PLEKHG4B: variants seen among roughly 807,000 people sequenced by gnomAD.
PLEKHG4B encodes the protein pleckstrin homology domain-containing family G member 4B.
PLEKHG4B carries 111 observed loss-of-function variants against 121.3 expected under a neutral mutation model. That is an observed-to-expected ratio of 0.92 (90% CI 0.78 to 1.07). PLEKHG4B has a LOEUF of 1.07. Among genes scored for constraint, PLEKHG4B ranks in the 50% least tolerant of loss-of-function variants. PLEKHG4B has a pLI of 0.00. For missense variants in PLEKHG4B, 1,831 were observed against 1,757.8 expected (o/e 1.04, Z -0.74); for synonymous variants, 738 against 725.0 (o/e 1.02, Z -0.29).
At chr5:147,299 T>C (rs1344821424) in intron 6 of PLEKHG4B, among the ~76,000 whole-genome samples, 1 of 152,206 alleles carries the variant, frequency 6.6e-6, no homozygotes, top group Non-Finnish European at 1.5e-5. Flanking sequence ...TTCTGAGAGA[T>C]TCTCAAGGCC....
rs774238740 is a variant in PLEKHG4B, at chr5:169,503, C to G, written c.3640C>G (p.Leu1214Val). The G allele has an allele frequency of 3.7e-6, 6 of 1,614,092 alleles. 1 individual carries two copies. In the South Asian group the frequency reaches 6.6e-5, roughly 18 times the overall value. Residue 1214 changes from leucine to valine, a missense_variant, in exon 14 of 20, where the codon CTC (leucine) becomes GTC (valine). Leu to Val is a conservative substitution (Grantham distance 32, BLOSUM62 1). Coordinates refer to ENST00000637938, the MANE Select transcript of PLEKHG4B (RefSeq NM_052909.5). The stretch of plus-strand genomic sequence containing the variant: ...CGTTATTTTCGGCAACTTGGAGAAG[C>G]TCCACGACTTCCACCAGCAGCACTT... The part of the protein sequence containing the change: ...HHVIFGNLEK[L>V]HDFHQQHFLR...
intron 8 of PLEKHG4B, 44 bp from the exon 9 acceptor site, chr5:155,301 A>G: frequency 6.6e-7 from 1 of 1,525,982 alleles, no homozygotes; most frequent in Non-Finnish European, 9.1e-7. Flanking sequence ...TTAGCATTTA[A>G]CAGACTGTGT....
chr5:110,675 C>T (rs950614033), intron 1 of PLEKHG4B, among the ~76,000 whole-genome samples: 24 of 151,514 alleles, frequency 1.6e-4, no homozygotes, highest in African/African-American at 5.8e-4. Context: ...GTGCACGCAC[C>T]CACACAATCT....
In PLEKHG4B at chr5:133,941, C is replaced by CACACACACACACACACAT. The variant is rs34900477; in HGVS notation, c.244-5541_244-5540insCACACACACACACACATA. On this transcript the variant is annotated intron_variant, in intron 2 of 19. Transcript: ENST00000637938. ...ACACACGCACACACACACACACACA[C>CACACACACACACACACAT]ATATATATATGGTGGAATATATATA... 1.4e-3 allele frequency among the ~76,000 whole-genome samples: 201 copies of CACACACACACACACACAT among 146,342 alleles called. 2 individuals carry two copies. The highest frequency in any genetic ancestry group is 4.5e-3 in the African/African-American group (177 of 39,164).
Position 156,229 on chromosome 5 carries a change from C to T in PLEKHG4B, c.2348+19C>T, listed in dbSNP as rs1364625375. On this transcript the variant is annotated intron_variant, in intron 10 of 19. Transcript: ENST00000637938. This position sits in a 1 kb window ranked among gnomAD's most constrained non-coding sequence, Gnocchi z 4.4. ...ACAGCCGGTGAGCGCTCACAGGGGT[C>T]ATGCTGGGCCCTGGCCCATCGAGGG... The T allele has an allele frequency of 8.8e-6, 13 of 1,471,470 alleles. No individual in the cohort carries two copies. Among genetic ancestry groups the T allele is most frequent in the Non-Finnish European group, 1.2e-5 (13 of 1,104,112 alleles). The allele number at this position is 1,471,470 out of a possible 1,614,324, so 91.2% of individuals were successfully genotyped here. A position where few individuals can be genotyped will look rare whatever the true frequency, so the allele number is the denominator to read the frequency against.
intron 2 of PLEKHG4B, among the ~76,000 whole-genome samples, chr5:136,061 C>T (rs548311989): frequency 2.6e-5 from 4 of 151,998 alleles, no homozygotes; most frequent in South Asian, 2.1e-4. Context: ...CAAGACTATT[C>T]ACTGGGGAAA....
chr5:128,288 A>C (rs1734679621), intron 2 of PLEKHG4B, among the ~76,000 whole-genome samples: 1 of 152,216 alleles, frequency 6.6e-6, no homozygotes, highest in Admixed American at 6.5e-5. Context: ...TTTGCAGTAA[A>C]ATATTTTAAC....
At position 130,122 on chromosome 5, in the gene PLEKHG4B, T is replaced by C. The variant is rs1369671157; in HGVS notation, c.244-9361T>C. ...CTTTCTCATCAGAAAAAGACAGACT[T>C]ACTTGGCTGAAGCAAAGAGTGACAC... On this transcript the variant is annotated intron_variant, in intron 2 of 19. Coordinates refer to ENST00000637938, the MANE Select transcript of PLEKHG4B (RefSeq NM_052909.5). Among the ~76,000 whole-genome samples the C allele has an allele frequency of 1.3e-5, 2 of 151,936 alleles. 1 individual carries two copies. Among genetic ancestry groups the C allele is most frequent in the African/African-American group, 4.8e-5 (2 of 41,268 alleles).
intron 19 of PLEKHG4B, 117 bp from the exon 20 acceptor site, chr5:181,887 G>A: frequency 1.5e-6 from 2 of 1,323,300 alleles, no homozygotes; most frequent in South Asian, 1.3e-5. Context: ...GGTTGGATGG[G>A]CATGACTGCA....
intron 1 of PLEKHG4B, among the ~76,000 whole-genome samples, chr5:101,939 G>A (rs1461588793): frequency 2.2e-5 from 2 of 89,052 alleles, no homozygotes; most frequent in Admixed American, 1.9e-4. Context: ...AAAGTCTATA[G>A]GGGAGAGACT....
intron 5 of PLEKHG4B, chr5:144,223 T>A (rs1735328550): frequency 6.6e-6 from 1 of 152,488 alleles, no homozygotes; most frequent in Non-Finnish European, 1.5e-5. Context: ...GTAAAATGAA[T>A]ATATCAACTC....
chr5:106,882 C>T (rs970897177), intron 1 of PLEKHG4B, among the ~76,000 whole-genome samples: 2 of 152,076 alleles, frequency 1.3e-5, no homozygotes, highest in African/African-American at 2.4e-5. Flanking sequence ...AGGTGCAGGG[C>T]GCAGTTCTCG....
rs1334330528 is a variant in PLEKHG4B at position 101,193 on chromosome 5, T to C, written c.45+8917T>C. ...AATCCATATAAAGCTCTGGAAAAAG[T>C]CTGTAGGGGAGAGACTGTTGTGAGG... On this transcript the variant is annotated intron_variant, in intron 1 of 19. Transcript: ENST00000637938. Among the ~76,000 whole-genome samples, 154 of 119,052 alleles carry C rather than the reference T, an allele frequency of 1.3e-3. 2 individuals are homozygous for C. Among genetic ancestry groups the C allele is most frequent in the African/African-American group, 1.5e-3 (35 of 22,984 alleles). The allele number at this position is 119,052 out of a possible 152,430, so 78.1% of individuals were successfully genotyped here. A position where few individuals can be genotyped will look rare whatever the true frequency, so the allele number is the denominator to read the frequency against.
At chr5:115,802 A>G (rs1204613900) in intron 2 of PLEKHG4B, among the ~76,000 whole-genome samples, 1 of 152,238 alleles carries the variant, frequency 6.6e-6, no homozygotes, top group African/African-American at 2.4e-5. Flanking sequence ...AACTGAAGAA[A>G]GTTAGGGGCT....
chr5:98,487 T>C (rs1206221763), intron 1 of PLEKHG4B, among the ~76,000 whole-genome samples: 1 of 123,188 alleles, frequency 8.1e-6, no homozygotes, highest in Non-Finnish European at 1.6e-5. Flanking sequence ...CAGGCTGGAG[T>C]GCAGTGGCAC....
chr5:179,806 A>ATCACGTCT (rs748813322), intron 18 of PLEKHG4B: 37 of 152,394 alleles, frequency 2.4e-4, no homozygotes, highest in Admixed American at 5.9e-4. Context: ...CTATGTTTCG[A>ATCACGTCT]TCACGTCTTC....
At chr5:126,230 G>A (rs1734610031) in intron 2 of PLEKHG4B, among the ~76,000 whole-genome samples, 1 of 152,064 alleles carries the variant, frequency 6.6e-6, no homozygotes, top group African/African-American at 2.4e-5. Flanking sequence ...ACATATGCTG[G>A]CTGCTCGATG....
At position 179,558 on chromosome 5, in the gene PLEKHG4B, G is replaced by A. The variant is rs1736866841; in HGVS notation, c.4403-1956G>A. 3 of 152,656 alleles carry A rather than the reference G, an allele frequency of 2.0e-5. No individual in the cohort carries two copies. The South Asian group carries it at 6.2e-4, about 32-fold the overall frequency. 9.5% of individuals were successfully genotyped at this position (152,656 alleles called of 1,614,324 possible). A position where few individuals can be genotyped will look rare whatever the true frequency, so the allele number is the denominator to read the frequency against. ...CTTCTGTCCCATCCACAGGAAGGCG[G>A]GGAACACCCCCCAGGCAGAGAGACC... is the stretch of plus-strand genomic sequence containing the variant. On this transcript the variant is annotated intron_variant, in intron 18 of 19. Coordinates refer to ENST00000637938, the MANE Select transcript of PLEKHG4B (RefSeq NM_052909.5).
chr5:146,820 C>T (rs1397055547), intron 6 of PLEKHG4B, among the ~76,000 whole-genome samples: 2 of 151,020 alleles, frequency 1.3e-5, no homozygotes, highest in African/African-American at 4.9e-5. Flanking sequence ...ATCGAGCCTG[C>T]CTCCCCTTGC....
Sources: allele counts gnomAD v4.1 joint callset (sites outside exome capture counted in the v4.1 genomes callset), GRCh38; gene constraint gnomAD v4.1.1; non-coding constraint Gnocchi (gnomAD v3.1); transcripts MANE v1.5; gene names NCBI Gene and HGNC (gene_info 2026-07-23, HGNC 2026-07-21).